CNKSR2: variants seen among roughly 807,000 people sequenced by gnomAD.
CNKSR2 encodes the protein CNK homolog protein 2.
A neutral mutation model predicts 84.4 loss-of-function variants in CNKSR2; 14 were observed. The observed-to-expected ratio is 0.17, with a 90% CI of 0.11 to 0.26. The LOEUF (loss-of-function observed/expected upper bound fraction) is 0.26, where lower values mean the gene tolerates loss of function less well. Among genes scored for constraint, CNKSR2 ranks in the 10% least tolerant of loss-of-function variants. The pLI is 1.00. For synonymous variants in CNKSR2, 275 were observed against 277.9 expected (o/e 0.99, Z 0.10); for missense variants, 485 against 771.2 (o/e 0.63, Z 4.40).
chrX:21,504,958 A>G (rs2091597463), intron 8 of CNKSR2: 2 of 282,359 alleles, frequency 7.1e-6, no homozygotes, highest in African/African-American at 5.6e-5. Context: ...ATCTCCCAAG[A>G]TTTTTTCCAC....
At chrX:21,601,083 C>G (rs1252963919) in intron 17 of CNKSR2, among the ~76,000 whole-genome samples, 199 bp from the exon 18 acceptor site, 1 of 111,999 alleles carries the variant, frequency 8.9e-6, no homozygotes, top group Non-Finnish European at 1.9e-5. Flanking sequence ...ATTGAAGTAG[C>G]ATCTTTGGTA....
At chrX:21,531,280 A>T (rs1330967767) in intron 10 of CNKSR2, among the ~76,000 whole-genome samples, 1 of 110,893 alleles carries the variant, frequency 9.0e-6, no homozygotes, top group Non-Finnish European at 1.9e-5. Context: ...TTTTACCAAG[A>T]ATCAATCAGG....
chrX:21,554,058 A>G (rs764127802), intron 11 of CNKSR2, among the ~76,000 whole-genome samples: 1 of 111,717 alleles, frequency 9.0e-6, no homozygotes, highest in Non-Finnish European at 1.9e-5. Flanking sequence ...GAACAGAGAC[A>G]ACATTTCAAC....
chrX:21,413,779 A>G (rs1445444623), intron 1 of CNKSR2, among the ~76,000 whole-genome samples: 1 of 110,984 alleles, frequency 9.0e-6, no homozygotes, highest in African/African-American at 3.3e-5. Flanking sequence ...TGCAAATGAC[A>G]GGATCTCATT....
In CNKSR2 at chrX:21,418,573, G is replaced by A. The variant is rs753676872; in HGVS notation, c.65-7924G>A. 1.8e-4 allele frequency among the ~76,000 whole-genome samples: 20 copies of A among 111,102 alleles called. No individual in the cohort carries two copies. In the South Asian group the frequency reaches 7.3e-3, roughly 40 times the overall value. The stretch of plus-strand genomic sequence containing the variant: ...TTTTTGCTGTTTATACTCTTCTAGG[G>A]TAAAAGTTTTTTCCTTCATCACTTT... On this transcript the variant is annotated intron_variant, in intron 1 of 21. Coordinates refer to ENST00000379510, the MANE Select transcript of CNKSR2 (RefSeq NM_014927.5).
chrX:21,574,966 A>G (rs1288206875), intron 13 of CNKSR2, among the ~76,000 whole-genome samples: 2 of 111,785 alleles, frequency 1.8e-5, no homozygotes, highest in African/African-American at 6.5e-5. Context: ...GTAGTGATTC[A>G]TATTTACCTA....
chrX:21,508,697 C>T (rs999299733), intron 8 of CNKSR2, among the ~76,000 whole-genome samples: 3 of 111,717 alleles, frequency 2.7e-5, no homozygotes, highest in Admixed American at 9.5e-5. Flanking sequence ...GTTCAAGATG[C>T]TGAACTATAC....
At chrX:21,405,232 G>T (rs1455927125) in intron 1 of CNKSR2, among the ~76,000 whole-genome samples, 1 of 111,421 alleles carries the variant, frequency 9.0e-6, no homozygotes, top group Non-Finnish European at 1.9e-5. Flanking sequence ...GAATTTATAG[G>T]TTAATTTAGA....
At chrX:21,470,949 A>G (rs978722750) in intron 5 of CNKSR2, 142 bp downstream of exon 5, 47 of 276,008 alleles carry the variant, frequency 1.7e-4, no homozygotes, top group Non-Finnish European at 3.1e-4. Context: ...CAATCAAAGC[A>G]TAACAAGTTA....
intron 13 of CNKSR2, among the ~76,000 whole-genome samples, chrX:21,582,422 T>C (rs1178679811): frequency 1.8e-5 from 2 of 112,100 alleles, no homozygotes; most frequent in Non-Finnish European, 3.8e-5. Context: ...ATGGATGTCT[T>C]AGTGCCAGAA....
chrX:21,578,020 C>T (rs772941010), intron 13 of CNKSR2, among the ~76,000 whole-genome samples: 1 of 111,199 alleles, frequency 9.0e-6, no homozygotes, highest in Non-Finnish European at 1.9e-5. Flanking sequence ...GGATTTTTCA[C>T]TAGTTTTGAC....
rs2090651799 is a variant in CNKSR2 at position 21,432,736 on chromosome X, G to A, written c.353G>A (p.Arg118Gln). 3 of 1,210,737 alleles carry A rather than the reference G, an allele frequency of 2.5e-6. No individual in the cohort carries two copies. Among genetic ancestry groups the A allele is most frequent in the Non-Finnish European group, 2.2e-6 (2 of 895,097 alleles). ...GGCCATTATGATGGGAGGACCAGCC[G>A]AAAATTGCCAAACGACTTTCTGACC... ...RSGHYDGRTS[R>Q]KLPNDFLTSV... The change falls in exon 3 of 22, where the codon CGA becomes CAA. Residue 118 changes from arginine to glutamine, a missense_variant. Arg to Gln is a conservative substitution (Grantham distance 43). Around this residue, in one of 5 missense-constraint regions of CNKSR2, gnomAD observed 109 missense variants for 197.5 expected, o/e 0.55. Coordinates refer to ENST00000379510, the MANE Select transcript of CNKSR2 (RefSeq NM_014927.5).
chrX:21,424,232 G>A (rs2090536461), intron 1 of CNKSR2: 1 of 111,365 alleles, frequency 9.0e-6, no homozygotes, highest in East Asian at 2.8e-4. Flanking sequence ...TACATGCAAG[G>A]CCTTCACTTT....
chrX:21,520,695 T>A (rs181180697), intron 9 of CNKSR2, among the ~76,000 whole-genome samples: 1,434 of 109,032 alleles, frequency 0.013, 21 homozygotes, highest in African/African-American at 0.046. Flanking sequence ...CCAGCTTTTT[T>A]TTTTTTTGGT....
chrX:21,526,893 C>T lies in CNKSR2; in HGVS notation c.984C>T (p.Ser328=). The change falls in exon 10 of 22, where the codon AGC becomes AGT. Residue 328 remains serine (S), a synonymous_variant. Coordinates refer to ENST00000379510, the MANE Select transcript of CNKSR2 (RefSeq NM_014927.5). ...CTCTTATACCTAGAAGTCCCACAAGCAGCGTTGCCACGCCTTCCAGCACCA... is the reference window on the plus strand; with the variant it reads ...CTCTTATACCTAGAAGTCCCACAAGTAGCGTTGCCACGCCTTCCAGCACCA... ...LQPLIPRSPT[S]SVATPSSTIS... 8.3e-7 allele frequency: 1 copy of T among 1,204,225 alleles called. No homozygotes were observed. The highest frequency in any genetic ancestry group is 1.1e-6 in the Non-Finnish European group (1 of 889,854).
In CNKSR2 at chrX:21,394,427, C is replaced by G. The variant is rs146228366; in HGVS notation, c.64+19466C>G. On this transcript the variant is annotated intron_variant, in intron 1 of 21. Transcript: ENST00000379510. The stretch of plus-strand genomic sequence containing the variant: ...TTTACTAACTTCTGTCATGTAGCCA[C>G]TTCTTTTTCTAACAGCTGTATTGGA... Among the ~76,000 whole-genome samples the G allele has an allele frequency of 9.1e-3, 1,019 of 112,010 alleles. 10 individuals carry two copies. The highest frequency in any genetic ancestry group is 0.031 in the African/African-American group (953 of 30,918).
At chrX:21,375,138 T>C (rs1369219300) in intron 1 of CNKSR2, among the ~76,000 whole-genome samples, 177 bp downstream of exon 1, 1 of 112,122 alleles carries the variant, frequency 8.9e-6, no homozygotes, top group Non-Finnish European at 1.9e-5. Flanking sequence ...CCCGGTCTCC[T>C]TTTGTCTCCA....
intron 4 of CNKSR2, among the ~76,000 whole-genome samples, chrX:21,456,905 T>C (rs1404888210): frequency 1.8e-5 from 2 of 111,848 alleles, no homozygotes; most frequent in Admixed American, 9.5e-5. Flanking sequence ...ATTATAGCCA[T>C]TCTAACAGGA....
At chrX:21,598,026 T>TATAC (rs1555957289) in intron 17 of CNKSR2, among the ~76,000 whole-genome samples, 3 of 103,727 alleles carry the variant, frequency 2.9e-5, no homozygotes, top group African/African-American at 1.1e-4. Context: ...TATATATATA[T>TATAC]ACACACACAC....
Sources: gnomAD v4.1 joint callset for allele counts (sites outside exome capture counted in the v4.1 genomes callset) on GRCh38, gnomAD v4.1.1 for gene constraint, gnomAD v4.1.1 regional missense constraint, MANE v1.5 for transcripts, NCBI Gene and HGNC (gene_info 2026-07-23, HGNC 2026-07-21) for gene names.